Variants in GABRR2 observed in about 807,000 individuals in gnomAD.
GABRR2 encodes gamma-aminobutyric acid receptor subunit rho-2.
GABRR2 carries 36 observed loss-of-function variants against 47.0 expected under a neutral mutation model. The observed-to-expected ratio is 0.77, with a 90% confidence interval of 0.59 to 1.01. The LOEUF is 1.01. GABRR2 is among the 50% of genes least tolerant of loss of function. GABRR2 has a pLI of 0.00. For synonymous variants in GABRR2, 204 were observed against 227.5 expected, an observed-to-expected ratio of 0.90 and a Z score of 0.93; for missense variants, 587 against 594.6, an observed-to-expected ratio of 0.99 and a Z score of 0.13.
intron 8 of GABRR2, among the ~76,000 whole-genome samples, chr6:89,260,592 C>T (rs750010834): frequency 1.2e-4 from 18 of 152,168 alleles, no homozygotes; most frequent in Admixed American, 6.5e-4. Context: ...GTGGGCCTAA[C>T]GGGTCCCAGG....
At chr6:89,292,344 TTTTATA>T (rs1386443332) in intron 2 of GABRR2, among the ~76,000 whole-genome samples, 8 of 31,600 alleles carry the variant, frequency 2.5e-4, no homozygotes, top group African/African-American at 1.1e-3. Flanking sequence ...CAAAAAAAAA[TTTTATA>T]TATATATATA....
Position 89,302,756 on chromosome 6 carries a change from G to A in GABRR2, c.114-2891C>T. Reference sequence around the variant, plus strand: ...TGAAGGAGGTGGACGAGCAGATGCTGTCCATCCAGAGCAAGAACAGCAGCT... The same window carrying A: ...TGAAGGAGGTGGACGAGCAGATGCTATCCATCCAGAGCAAGAACAGCAGCT... On this transcript the variant is annotated intron_variant, in intron 1 of 8. Transcript: ENST00000402938. 5 of 1,434,412 alleles carry A rather than the reference G, an allele frequency of 3.5e-6. No homozygotes were observed. The South Asian group carries it at 5.7e-5, about 16-fold the overall frequency. 88.9% of individuals were successfully genotyped at this position (1,434,412 alleles called of 1,614,324 possible).
chr6:89,301,693 T>C (rs1767442739), intron 1 of GABRR2: 1 of 590,874 alleles, frequency 1.7e-6, no homozygotes. Flanking sequence ...ACAATGAGAA[T>C]TGCAAAAACA....
intron 1 of GABRR2, among the ~76,000 whole-genome samples, chr6:89,307,465 T>G (rs1767588423): frequency 6.6e-6 from 1 of 152,196 alleles, no homozygotes; most frequent in East Asian, 1.9e-4. Context: ...CCCTAGAGAT[T>G]TGAATTTGAC....
At position 89,299,837 on chromosome 6, in the gene GABRR2, T is replaced by C; in HGVS notation, c.142A>G (p.Thr48Ala). 2 of 1,613,724 alleles carry C rather than the reference T, an allele frequency of 1.2e-6. No individual in the cohort carries two copies. The highest frequency in any genetic ancestry group is 8.5e-7 in the Non-Finnish European group (1 of 1,179,606). ...SHLYKKNLDVTKIRKGKPQQL... is the reference protein window; with the variant it reads ...SHLYKKNLDVAKIRKGKPQQL... ...TGAGGCTTTCCCTTCCGGATCTTGGTCACATCAAGGTTCTTCTTATATAAG... is the reference window on the plus strand; with the variant it reads ...TGAGGCTTTCCCTTCCGGATCTTGGCCACATCAAGGTTCTTCTTATATAAG... Residue 48 changes from threonine to alanine, a missense_variant, in exon 2 of 9, where the codon ACC becomes GCC. Thr to Ala is a moderately conservative substitution (Grantham distance 58). Transcript: ENST00000402938.
intron 2 of GABRR2, among the ~76,000 whole-genome samples, chr6:89,291,995 C>G (rs1233873859): frequency 6.6e-6 from 1 of 152,120 alleles, no homozygotes; most frequent in Non-Finnish European, 1.5e-5. Context: ...TTTCATTAAA[C>G]TGCCCTTCCA....
chr6:89,314,882 CAT>C (rs1322331816), intron 1 of GABRR2, among the ~76,000 whole-genome samples, 169 bp downstream of exon 1: 2 of 152,182 alleles, frequency 1.3e-5, no homozygotes, highest in African/African-American at 4.8e-5. Flanking sequence ...GCTTGTGACA[CAT>C]AGAGTATGTG....
rs1269970911 is a variant in GABRR2, at chr6:89,256,068, A to G, written c.*1602T>C. 2.0e-5 allele frequency among the ~76,000 whole-genome samples: 3 copies of G among 150,840 alleles called. No individual in the cohort carries two copies. The highest frequency in any genetic ancestry group is 2.9e-5 in the Non-Finnish European group (2 of 67,824). On this transcript the variant is annotated 3_prime_UTR_variant, in exon 9 of 9. Coordinates refer to ENST00000402938, the MANE Select transcript of GABRR2 (RefSeq NM_002043.5). ...TAGAACCCCAGGCACACACCACCAC[A>G]CCTGGCTAATATTTTTAATTTTTAC...
chr6:89,312,295 T>G (rs1767694214), intron 1 of GABRR2, among the ~76,000 whole-genome samples: 1 of 152,128 alleles, frequency 6.6e-6, no homozygotes, highest in African/African-American at 2.4e-5. Flanking sequence ...GGAAACAGAC[T>G]CACTCTGCAG....
At chr6:89,293,651 T>C (rs1774506826) in intron 2 of GABRR2, among the ~76,000 whole-genome samples, 1 of 152,130 alleles carries the variant, frequency 6.6e-6, no homozygotes, top group South Asian at 2.1e-4. Flanking sequence ...GCCAGGCACG[T>C]TGGTGCACGC....
At chr6:89,292,716 A>C (rs1774472976) in intron 2 of GABRR2, among the ~76,000 whole-genome samples, 1 of 128,630 alleles carries the variant, frequency 7.8e-6, no homozygotes, top group Non-Finnish European at 1.7e-5. Context: ...GATATATATC[A>C]GATATATATC....
chr6:89,272,458 T>C (rs1332954177), intron 2 of GABRR2, among the ~76,000 whole-genome samples: 1 of 152,258 alleles, frequency 6.6e-6, no homozygotes, highest in African/African-American at 2.4e-5. Context: ...TTTAGGAGAA[T>C]GTAGTGAGTG....
intron 2 of GABRR2, among the ~76,000 whole-genome samples, chr6:89,292,736 ATATATAATCGTATATATCG>A (rs1774475090): frequency 7.5e-6 from 1 of 133,544 alleles, no homozygotes; most frequent in Non-Finnish European, 1.6e-5. Flanking sequence ...CGTATATATC[ATATATAATCGTATATATCG>A]TATATACGAT....
chr6:89,308,601 A>AC (rs916463196), intron 1 of GABRR2, among the ~76,000 whole-genome samples: 2 of 151,938 alleles, frequency 1.3e-5, no homozygotes, highest in Admixed American at 6.6e-5. Context: ...TCCGATTTAC[A>AC]CCCCTACTTC....
intron 2 of GABRR2, among the ~76,000 whole-genome samples, chr6:89,292,829 CGTATATACGAT>C (rs1774492363): frequency 5.1e-5 from 1 of 19,776 alleles, no homozygotes; most frequent in African/African-American, 1.1e-4. Context: ...TCGTATATAT[CGTATATACGAT>C]ATATCGTATA....
intron 1 of GABRR2, among the ~76,000 whole-genome samples, chr6:89,313,150 G>A (rs1582469756): frequency 1.3e-5 from 2 of 152,300 alleles, no homozygotes; most frequent in East Asian, 1.9e-4. Context: ...CTAGCAGGCC[G>A]TGTGACTTAC....
At chr6:89,308,951 G>A (rs1480895610) in intron 1 of GABRR2, among the ~76,000 whole-genome samples, 1 of 152,170 alleles carries the variant, frequency 6.6e-6, no homozygotes, top group Non-Finnish European at 1.5e-5. Context: ...ATAAACCAGT[G>A]GACAGATAAA....
At position 89,259,661 on chromosome 6, in the gene GABRR2, G is replaced by A. The variant is rs374983124; in HGVS notation, c.1087-1680C>T. Reference sequence around the variant, plus strand: ...TGGGATTACAGGTGCCCACCACCATGCCCAGCTAATTTTTGTATTTTTAGT... The same window carrying A: ...TGGGATTACAGGTGCCCACCACCATACCCAGCTAATTTTTGTATTTTTAGT... On this transcript the variant is annotated intron_variant, in intron 8 of 8. Coordinates refer to ENST00000402938, the MANE Select transcript of GABRR2 (RefSeq NM_002043.5). Among the ~76,000 whole-genome samples, 313 of 151,412 alleles carry A rather than the reference G, an allele frequency of 2.1e-3. 3 individuals carry two copies. Among genetic ancestry groups the A allele is most frequent in the African/African-American group, 7.3e-3 (300 of 41,236 alleles).
chr6:89,298,522 T>C (rs1030718712), intron 2 of GABRR2, among the ~76,000 whole-genome samples: 6 of 152,148 alleles, frequency 3.9e-5, no homozygotes, highest in Non-Finnish European at 7.3e-5. Flanking sequence ...CCCAGAATGA[T>C]AGGACCTACT....
Sources: gnomAD v4.1 joint callset for allele counts (sites outside exome capture counted in the v4.1 genomes callset) on GRCh38, gnomAD v4.1.1 for gene constraint, MANE v1.5 for transcripts, NCBI Gene and HGNC (gene_info 2026-07-23, HGNC 2026-07-21) for gene names.